DNAH5: variants seen among roughly 807,000 people sequenced by gnomAD.
The protein encoded by DNAH5 is dynein axonemal heavy chain 5.
In DNAH5, 372 loss-of-function variants were observed where a neutral mutation model predicts 518.2. The ratio of observed to expected loss-of-function variants is 0.72; its 90% confidence interval spans 0.66 to 0.78. The LOEUF is 0.78. Ranked by LOEUF, DNAH5 falls within the 30% of genes least tolerant of loss-of-function variation. The pLI is 0.00. For synonymous variants in DNAH5, 2,039 were observed against 2,025.9 expected (o/e 1.01, Z -0.17); for missense variants, 5,523 against 5,687.0 (o/e 0.97, Z 0.93).
chr5:13,910,041 T>C (rs762800348), intron 12 of DNAH5, among the ~76,000 whole-genome samples: 3 of 152,232 alleles, frequency 2.0e-5, no homozygotes, highest in Non-Finnish European at 4.4e-5. Context: ...AACATCAGAA[T>C]CTGCCATTAC....
intron 65 of DNAH5, 81 bp from the exon 66 acceptor site, chr5:13,737,576 T>C (rs1053817545): frequency 1.2e-5 from 17 of 1,448,278 alleles, no homozygotes; most frequent in Non-Finnish European, 1.6e-5. Context: ...CCTACATGGC[T>C]GCTTTGAAGC....
chr5:13,902,038 T>C lies in DNAH5; in HGVS notation c.1730+15A>G, dbSNP rs1263878161. 1.3e-6 allele frequency: 2 copies of C among 1,534,020 alleles called. No homozygotes were observed. Among genetic ancestry groups the C allele is most frequent in the South Asian group, 1.1e-5 (1 of 87,234 alleles). On this transcript the variant is annotated intron_variant, in intron 13 of 78. Transcript: ENST00000265104. ...TCCCAATTTTAGAAAATAGACAATT[T>C]CTTGAAAATTTTACCTTTCAAATTT...
At chr5:13,744,525 G>A (rs913904557) in intron 65 of DNAH5, among the ~76,000 whole-genome samples, 2 of 151,978 alleles carry the variant, frequency 1.3e-5, no homozygotes, top group Non-Finnish European at 2.9e-5. Context: ...CAATGTTTGA[G>A]ATGATGGATA....
At chr5:13,946,667 G>A (rs968107582), upstream of DNAH5, among the ~76,000 whole-genome samples, 4 of 152,206 alleles carry the variant, frequency 2.6e-5, no homozygotes, top group East Asian at 1.9e-4. Flanking sequence ...CTGCAGCCCC[G>A]TCTGTGCGGA....
intron 1 of DNAH5, among the ~76,000 whole-genome samples, chr5:13,953,983 C>T (rs912450827): frequency 3.9e-5 from 6 of 152,162 alleles, no homozygotes; most frequent in Non-Finnish European, 8.8e-5. Context: ...GCTGGGATTA[C>T]AGGTATGAGC....
intron 70 of DNAH5, among the ~76,000 whole-genome samples, chr5:13,721,476 A>T (rs1395266923): frequency 6.6e-6 from 1 of 152,198 alleles, no homozygotes; most frequent in Non-Finnish European, 1.5e-5. Context: ...CAAAAGAACC[A>T]AAGTTGTATG....
chr5:13,957,633 A>G (rs948957822), intron 1 of DNAH5, among the ~76,000 whole-genome samples: 3 of 151,814 alleles, frequency 2.0e-5, no homozygotes, highest in Admixed American at 2.0e-4. Context: ...AGAGGCAAAA[A>G]CTTTTATCTC....
intron 1 of DNAH5, among the ~76,000 whole-genome samples, chr5:13,963,384 C>A (rs1781317694): frequency 6.6e-6 from 1 of 152,096 alleles, no homozygotes; most frequent in African/African-American, 2.4e-5. Context: ...TCGAGACCAG[C>A]CTGGCCAACG....
chr5:14,005,942 C>T (rs1784695728), intron 1 of DNAH5, among the ~76,000 whole-genome samples: 1 of 152,326 alleles, frequency 6.6e-6, no homozygotes, highest in Non-Finnish European at 1.5e-5. Context: ...GGGACTCAGC[C>T]TCTTGGGGAT....
At chr5:14,008,448 C>A (rs1300103392) in intron 1 of DNAH5, among the ~76,000 whole-genome samples, 3 of 151,984 alleles carry the variant, frequency 2.0e-5, no homozygotes. Context: ...CATGGTGAAA[C>A]CCCATCTCTA....
intron 37 of DNAH5, 137 bp from the exon 38 acceptor site, chr5:13,829,841 T>C (rs1269330344): frequency 2.7e-6 from 3 of 1,119,718 alleles, no homozygotes; most frequent in East Asian, 2.5e-5. Context: ...AATCTCGTTT[T>C]ACCTGGACAG....
chr5:13,889,206 C>T (rs1488670835), intron 17 of DNAH5, among the ~76,000 whole-genome samples: 3 of 151,996 alleles, frequency 2.0e-5, no homozygotes, highest in African/African-American at 7.2e-5. Context: ...AAATTTAAAA[C>T]AAGTGTATTT....
In DNAH5 at chr5:13,841,799, A is replaced by G. The variant is rs762734279; in HGVS notation, c.5377T>C (p.Leu1793=). The stretch of plus-strand genomic sequence containing the variant: ...TGCAATGAGGACTGAGATTCTTCCA[A>G]AAGAGAATTAAGCCAAACTTCCACA... The part of the protein sequence containing the change: ...GNVEVWLNSL[L]EESQSSLHLV... Residue 1793 remains leucine (L), a synonymous_variant, in exon 33 of 79, where the codon TTG becomes CTG. Coordinates refer to ENST00000265104, the MANE Select transcript of DNAH5 (RefSeq NM_001369.3). The G allele has an allele frequency of 6.2e-7, 1 of 1,613,900 alleles. No individual in the cohort carries two copies. The highest frequency in any genetic ancestry group is 1.1e-5 in the South Asian group (1 of 91,066).
In DNAH5 at chr5:13,690,751, TTAAAG is replaced by T; in HGVS notation, c.*1228_*1232del. ...ATTATTAATAACATCTAACCAGAATTTAAAGAAAAATACGTGAAAAGTTCCTTTGA... is the reference window on the plus strand; with the variant it reads ...ATTATTAATAACATCTAACCAGAATTAAAAATACGTGAAAAGTTCCTTTGA... On this transcript the variant is annotated 3_prime_UTR_variant, in exon 79 of 79. Transcript: ENST00000265104. 6.6e-6 allele frequency: 1 copy of T among 152,316 alleles called. No individual in the cohort carries two copies. The highest frequency in any genetic ancestry group is 1.5e-5 in the Non-Finnish European group (1 of 68,026). 9.4% of individuals were successfully genotyped at this position (152,316 alleles called of 1,614,324 possible).
chr5:13,925,381 C>T (rs1021604993), intron 3 of DNAH5, among the ~76,000 whole-genome samples: 1 of 151,962 alleles, frequency 6.6e-6, no homozygotes, highest in East Asian at 1.9e-4. Flanking sequence ...AGCGTGTAGA[C>T]TAAGGAAGGA....
chr5:14,004,868 C>A (rs1179292697), intron 1 of DNAH5, among the ~76,000 whole-genome samples: 2 of 152,126 alleles, frequency 1.3e-5, no homozygotes, highest in African/African-American at 4.8e-5. Flanking sequence ...GCCTCTCAAT[C>A]TCCTTTATTA....
In DNAH5 at chr5:13,701,327, G is replaced by A. The variant is rs141828476; in HGVS notation, c.13448C>T (p.Thr4483Met). The A allele has an allele frequency of 7.9e-5, 128 of 1,613,878 alleles. No individual in the cohort carries two copies. The highest frequency in any genetic ancestry group is 5.3e-4 in the South Asian group (48 of 91,076). ...AAATCCCTGGGGGTTAAAAAAACCC[G>A]TCATCCAAAAGCAGTGAGGTCGGCC... is the stretch of plus-strand genomic sequence containing the variant. ...FNGRPHCFWM[T>M]GFFNPQGFLT... The change falls in exon 77 of 79, where the codon ACG (threonine) becomes ATG (methionine). Residue 4483 changes from threonine to methionine, a missense_variant. Around this residue, in one of 3 missense-constraint regions of DNAH5, gnomAD observed 387 missense variants for 430.0 expected, o/e 0.90. Coordinates refer to ENST00000265104, the MANE Select transcript of DNAH5 (RefSeq NM_001369.3).
intron 1 of DNAH5, among the ~76,000 whole-genome samples, chr5:13,936,436 A>T (rs1778929688): frequency 6.6e-6 from 1 of 152,062 alleles, no homozygotes; most frequent in African/African-American, 2.4e-5. Flanking sequence ...ATTTGCCTTT[A>T]ACTCTGTAGA....
At chr5:13,973,730 A>C (rs954255508) in intron 1 of DNAH5, among the ~76,000 whole-genome samples, 3 of 151,180 alleles carry the variant, frequency 2.0e-5, no homozygotes, top group African/African-American at 4.9e-5. Flanking sequence ...TTAAAAAAAA[A>C]AAAAAAACAA....
Sources: gnomAD v4.1 joint callset for allele counts (sites outside exome capture counted in the v4.1 genomes callset) on GRCh38, gnomAD v4.1.1 for gene constraint, gnomAD v4.1.1 regional missense constraint, MANE v1.5 for transcripts, NCBI Gene and HGNC (gene_info 2026-07-23, HGNC 2026-07-21) for gene names.